RCN3: variants seen among roughly 807,000 people sequenced by gnomAD.
The protein encoded by RCN3 is reticulocalbin 3, also known as reticulocalbin-3.
Under a neutral mutation model 35.9 loss-of-function variants are expected in RCN3, and 41 were observed. The observed-to-expected ratio is 1.14, with a 90% CI of 0.89 to 1.48. RCN3 has a LOEUF of 1.48. Ranked by LOEUF, RCN3 falls within the 40% of genes most tolerant of loss-of-function variation. The probability of loss-of-function intolerance (pLI) is 0.00; values close to 1 mark genes in which losing one functional copy is unlikely to be tolerated. For missense variants in RCN3, 451 were observed against 471.3 expected (o/e 0.96, Z 0.40); for synonymous variants, 187 against 193.4 (o/e 0.97, Z 0.27).
At chr19:49,532,190 G>A (rs1444181685) in intron 2 of RCN3, among the ~76,000 whole-genome samples, 11 of 118,724 alleles carry the variant, frequency 9.3e-5, no homozygotes, top group African/African-American at 2.0e-4. Context: ...ACTGCAAGCT[G>A]CGCCTCCCAG....
At chr19:49,528,442 AC>A in intron 1 of RCN3, 24 bp from the exon 2 acceptor site, 1 of 1,463,692 alleles carries the variant, frequency 6.8e-7, no homozygotes, top group Non-Finnish European at 9.0e-7. Context: ...GTGACCCCTG[AC>A]CCCTGGCCTT....
At position 49,528,523 on chromosome 19, in the gene RCN3, G is replaced by C; in HGVS notation, c.51G>C (p.Gly17=). 1 of 1,554,848 alleles carries C rather than the reference G, an allele frequency of 6.4e-7. No individual in the cohort carries two copies. Among genetic ancestry groups the C allele is most frequent in the Non-Finnish European group, 8.7e-7 (1 of 1,151,882 alleles). Reference sequence around the variant, plus strand: ...TGCTTCTGTTGCTACTGAGGCACGGGGCCCAGGGGAAGCCATCCCCAGACG... The same window carrying C: ...TGCTTCTGTTGCTACTGAGGCACGGCGCCCAGGGGAAGCCATCCCCAGACG... The part of the protein sequence containing the change: ...VLLLLLLLRH[G]AQGKPSPDAG... The change falls in exon 2 of 7, where the codon GGG becomes GGC. Residue 17 remains glycine, a synonymous_variant. Transcript: ENST00000270645.
chr19:49,543,542 G>A lies in RCN3; in HGVS notation c.*329G>A. On this transcript the variant is annotated 3_prime_UTR_variant, in exon 7 of 7. Coordinates refer to ENST00000270645, the MANE Select transcript of RCN3 (RefSeq NM_020650.3). Reference sequence around the variant, plus strand: ...TCCAAATCTGAGCCTCCACCACATAGACTGAAACTCCCCTGGCCCCAGCCC... The same window carrying A: ...TCCAAATCTGAGCCTCCACCACATAAACTGAAACTCCCCTGGCCCCAGCCC... The A allele has an allele frequency of 2.9e-6, 1 of 339,032 alleles. No individual in the cohort carries two copies. Among genetic ancestry groups the A allele is most frequent in the South Asian group, 3.6e-5 (1 of 27,530 alleles). 21.0% of individuals were successfully genotyped at this position (339,032 alleles called of 1,614,324 possible). A position where few individuals can be genotyped will look rare whatever the true frequency, so the allele number is the denominator to read the frequency against.
At position 49,539,014 on chromosome 19, in the gene RCN3, G is replaced by C. The variant is rs1047952373; in HGVS notation, c.619-105G>C. ...TACTGCCTGCCTCCCACAGCTGCCCGGAGCTAAATTTCCAAGAGAACCTCT... is the reference window on the plus strand; with the variant it reads ...TACTGCCTGCCTCCCACAGCTGCCCCGAGCTAAATTTCCAAGAGAACCTCT... On this transcript the variant is annotated intron_variant, in intron 4 of 6. Transcript: ENST00000270645. 1.2e-5 allele frequency: 9 copies of C among 723,304 alleles called. No homozygotes were observed. In the Middle Eastern group the frequency reaches 1.5e-3, roughly 124 times the overall value. The allele number at this position is 723,304 out of a possible 1,614,324, so 44.8% of individuals were successfully genotyped here. A position where few individuals can be genotyped will look rare whatever the true frequency, so the allele number is the denominator to read the frequency against.
chr19:49,539,239 G>A, intron 5 of RCN3, 60 bp downstream of exon 5: 1 of 1,416,176 alleles, frequency 7.1e-7, no homozygotes. Flanking sequence ...GGGCAGGGTT[G>A]GTGGGGGTAG....
At chr19:49,528,785 G>T in intron 2 of RCN3, 71 bp downstream of exon 2, 2 of 1,436,920 alleles carry the variant, frequency 1.4e-6, no homozygotes, top group Non-Finnish European at 1.8e-6. Context: ...GTATCGACAG[G>T]GGTCAGAGAA....
chr19:49,534,174 T>C lies in RCN3; in HGVS notation c.243-19T>C. On this transcript the variant is annotated intron_variant, in intron 2 of 6. Coordinates refer to ENST00000270645, the MANE Select transcript of RCN3 (RefSeq NM_020650.3). ...GGGGGCGGGACCAGAGCCTGACGTG[T>C]GCCCGCCCCGGCTTCTAGGCGGATC... 1.4e-6 allele frequency: 2 copies of C among 1,477,396 alleles called. No homozygotes were observed. Among genetic ancestry groups the C allele is most frequent in the Non-Finnish European group, 1.8e-6 (2 of 1,119,812 alleles). The allele number at this position is 1,477,396 out of a possible 1,614,324, so 91.5% of individuals were successfully genotyped here.
chr19:49,535,849 C>CAAA (rs777910956), intron 3 of RCN3, among the ~76,000 whole-genome samples: 3 of 108,060 alleles, frequency 2.8e-5, no homozygotes, highest in African/African-American at 1.0e-4. Context: ...GACTCTGTCT[C>CAAA]AAAAAAAAAA....
At chr19:49,539,464 A>G (rs1030375326) in intron 5 of RCN3, among the ~76,000 whole-genome samples, 11 of 147,728 alleles carry the variant, frequency 7.4e-5, no homozygotes, top group African/African-American at 3.0e-4. Flanking sequence ...ACAGCAGACA[A>G]TAACACAGAC....
chr19:49,539,370 CAA>C (rs1400538468), intron 5 of RCN3, among the ~76,000 whole-genome samples, 191 bp downstream of exon 5: 1 of 152,126 alleles, frequency 6.6e-6, no homozygotes, highest in Non-Finnish European at 1.5e-5. Context: ...ATACCAGACA[CAA>C]AAAGCATCTA....
Position 49,543,423 on chromosome 19 carries a change from T to C in RCN3, c.*210T>C. 1 of 592,278 alleles carries C rather than the reference T, an allele frequency of 1.7e-6. No individual in the cohort carries two copies. Among genetic ancestry groups the C allele is most frequent in the Admixed American group, 2.9e-5 (1 of 34,116 alleles). 36.7% of individuals were successfully genotyped at this position (592,278 alleles called of 1,614,324 possible). A position where few individuals can be genotyped will look rare whatever the true frequency, so the allele number is the denominator to read the frequency against. On this transcript the variant is annotated 3_prime_UTR_variant, in exon 7 of 7. Coordinates refer to ENST00000270645, the MANE Select transcript of RCN3 (RefSeq NM_020650.3). ...GAGGGGCTGTCATAGTCCCAGAGGA[T>C]AAGCAATACCTATTTCTGACTGAGT... is the stretch of plus-strand genomic sequence containing the variant.
chr19:49,534,626 T>C (rs1315395321), intron 3 of RCN3, among the ~76,000 whole-genome samples: 1 of 152,146 alleles, frequency 6.6e-6, no homozygotes, highest in Non-Finnish European at 1.5e-5. Flanking sequence ...CTAAAAACGA[T>C]CTTTTTTTCA....
At chr19:49,538,090 C>T (rs2080145319) in intron 4 of RCN3, among the ~76,000 whole-genome samples, 1 of 151,028 alleles carries the variant, frequency 6.6e-6, no homozygotes, top group Admixed American at 6.6e-5. Context: ...CTCTTGGGCT[C>T]AAGTAATCCT....
At chr19:49,539,066 CCCCAGG>C in intron 4 of RCN3, 47 bp from the exon 5 acceptor site, 1 of 1,403,660 alleles carries the variant, frequency 7.1e-7, no homozygotes, top group Non-Finnish European at 9.7e-7. Context: ...GTCCAGCCTC[CCCCAGG>C]AGCCAGGGTC....
Position 49,534,198 on chromosome 19 carries a change from T to C in RCN3, c.248T>C (p.Ile83Thr). 6.7e-7 allele frequency: 1 copy of C among 1,492,630 alleles called. No individual in the cohort carries two copies. Among genetic ancestry groups the C allele is most frequent in the African/African-American group, 1.4e-5 (1 of 68,988 alleles). 92.5% of individuals were successfully genotyped at this position (1,492,630 alleles called of 1,614,324 possible). A position where few individuals can be genotyped will look rare whatever the true frequency, so the allele number is the denominator to read the frequency against. The change falls in exon 3 of 7, where the codon ATC becomes ACC. Residue 83 changes from isoleucine (I) to threonine (T), a missense_variant. By Grantham distance (89) the Ile-to-Thr change is moderately conservative. Transcript: ENST00000270645. Reference protein sequence around the residue: ...PEESQARLGRIVDRMDRAGDG... With the variant: ...PEESQARLGRTVDRMDRAGDG... Reference sequence around the variant, plus strand: ...GTGCCCGCCCCGGCTTCTAGGCGGATCGTGGACCGCATGGACCGCGCGGGG... The same window carrying C: ...GTGCCCGCCCCGGCTTCTAGGCGGACCGTGGACCGCATGGACCGCGCGGGG...
chr19:49,530,413 C>T (rs999317800), intron 2 of RCN3, among the ~76,000 whole-genome samples: 5 of 151,114 alleles, frequency 3.3e-5, no homozygotes, highest in Non-Finnish European at 5.9e-5. Context: ...TCAGGCAATC[C>T]GCCCGCCTTG....
Position 49,534,380 on chromosome 19 carries a change from G to T in RCN3, c.430G>T (p.Gly144Cys). The T allele has an allele frequency of 6.5e-7, 1 of 1,539,322 alleles. No individual in the cohort carries two copies. Among genetic ancestry groups the T allele is most frequent in the Non-Finnish European group, 8.7e-7 (1 of 1,144,634 alleles). Residue 144 changes from glycine to cysteine, a missense_variant, in exon 3 of 7, where the codon GGC (glycine) becomes TGC (cysteine). Gly to Cys is a radical substitution (Grantham distance 159, BLOSUM62 -3). Coordinates refer to ENST00000270645, the MANE Select transcript of RCN3 (RefSeq NM_020650.3). The part of the protein sequence containing the change: ...GWEELRNATY[G>C]HYAPGEEFHD... ...GGAGGAGCTGCGCAACGCCACCTAT[G>T]GCCACTACGCGCCCGGTACGCGGCG...
intron 3 of RCN3, 121 bp from the exon 4 acceptor site, chr19:49,536,912 T>A (rs893715560): frequency 2.2e-6 from 2 of 929,358 alleles, no homozygotes; most frequent in Non-Finnish European, 3.1e-6. Context: ...AGCCTACTGA[T>A]ATATACTTAT....
At chr19:49,531,380 A>G (rs1386684474) in intron 2 of RCN3, among the ~76,000 whole-genome samples, 3 of 152,226 alleles carry the variant, frequency 2.0e-5, no homozygotes, top group Non-Finnish European at 4.4e-5. Flanking sequence ...TGGGAGTCCA[A>G]AGCGGGCGGA....
Sources: allele counts gnomAD v4.1 joint callset (sites outside exome capture counted in the v4.1 genomes callset), GRCh38; gene constraint gnomAD v4.1.1; transcripts MANE v1.5; gene names NCBI Gene and HGNC (gene_info 2026-07-23, HGNC 2026-07-21).